KIF1A: variants seen among roughly 807,000 people sequenced by gnomAD.
KIF1A encodes kinesin family member 1A, also known as kinesin-like protein KIF1A.
Under a neutral mutation model 227.3 loss-of-function variants are expected in KIF1A, and 46 were observed. That is an observed-to-expected ratio of 0.20 (90% CI 0.16 to 0.26). The LOEUF is 0.26. Among genes scored for constraint, KIF1A ranks in the 10% least tolerant of loss-of-function variants. KIF1A has a pLI of 1.00. For synonymous variants in KIF1A, 1,022 were observed against 1,012.8 expected (o/e 1.01, Z -0.17); for missense variants, 1,683 against 2,485.9 (o/e 0.68, Z 6.87).
At chr2:240,734,641 G>A in intron 38 of KIF1A, 1 of 1,089,572 alleles carries the variant, frequency 9.2e-7, no homozygotes. Flanking sequence ...GGGGCATGGG[G>A]GGCGGTCAGG....
At chr2:240,777,353 G>T (rs2052891742) in intron 10 of KIF1A, among the ~76,000 whole-genome samples, 1 of 152,164 alleles carries the variant, frequency 6.6e-6, no homozygotes, top group Non-Finnish European at 1.5e-5. Flanking sequence ...CTCTAGTTTG[G>T]TTTTTGATTA....
chr2:240,749,463 C>G (rs1428173764), intron 28 of KIF1A, among the ~76,000 whole-genome samples: 1 of 152,172 alleles, frequency 6.6e-6, no homozygotes, highest in Non-Finnish European at 1.5e-5. Flanking sequence ...GTCTGTGTGT[C>G]TGTCTGTCTG....
In KIF1A at chr2:240,775,824, G is replaced by C; in HGVS notation, c.958+27C>G. 1 of 1,515,576 alleles carries C rather than the reference G, an allele frequency of 6.6e-7. No individual in the cohort carries two copies. Among genetic ancestry groups the C allele is most frequent in the Non-Finnish European group, 9.2e-7 (1 of 1,090,122 alleles). 93.9% of individuals were successfully genotyped at this position (1,515,576 alleles called of 1,614,324 possible). ...AGCCCAGGGTGGGATCAGAGCCCTG[G>C]GGACAGGCAAACCCACAAGTTCTCA... On this transcript the variant is annotated intron_variant, in intron 11 of 48. Transcript: ENST00000498729. The surrounding 1 kb of genome is among the most constrained non-coding windows in gnomAD (Gnocchi z 5.5).
chr2:240,737,945 T>C (rs141664826), intron 37 of KIF1A, among the ~76,000 whole-genome samples: 2,481 of 152,356 alleles, frequency 0.016, 20 homozygotes, highest in South Asian at 0.024. Flanking sequence ...GGGTGCACAC[T>C]GGGCCTGCCC....
rs12477951 is a variant in KIF1A at position 240,778,180 on chromosome 2, A to G, written c.883-2254T>C. Among the ~76,000 whole-genome samples the G allele has an allele frequency of 0.67, 101,048 of 151,836 alleles. 35,557 individuals carry two copies. Among genetic ancestry groups the G allele is most frequent in the African/African-American group, 0.91 (37,702 of 41,462 alleles). On this transcript the variant is annotated intron_variant, in intron 10 of 48. Transcript: ENST00000498729. The surrounding 1 kb of genome is among the most constrained non-coding windows in gnomAD (Gnocchi z 7.2). ...AGTCACTCGAATGCGGACCCCACCC[A>G]CGGGATGGCTGCCGGTCACACCATT...
chr2:240,751,306 C>A (rs887196876), intron 27 of KIF1A, among the ~76,000 whole-genome samples: 3 of 152,188 alleles, frequency 2.0e-5, no homozygotes, highest in South Asian at 2.1e-4. Context: ...CACAGCCAGG[C>A]GGAAGGATAC....
chr2:240,751,327 G>C (rs939060640), intron 27 of KIF1A, among the ~76,000 whole-genome samples: 1 of 152,210 alleles, frequency 6.6e-6, no homozygotes, highest in Non-Finnish European at 1.5e-5. Context: ...CCTGCTTCCT[G>C]CTCCAGGCAG....
intron 10 of KIF1A, among the ~76,000 whole-genome samples, chr2:240,776,213 C>T (rs1045395332): frequency 6.6e-6 from 1 of 152,210 alleles, no homozygotes; most frequent in Non-Finnish European, 1.5e-5. Context: ...AGCTGGACAC[C>T]GGCCAGGAGT....
intron 1 of KIF1A, among the ~76,000 whole-genome samples, chr2:240,798,436 C>T (rs2056638319): frequency 6.6e-6 from 1 of 152,242 alleles, no homozygotes. Context: ...TGGAGAGGAA[C>T]ATTCCTGAGC....
chr2:240,751,526 A>G (rs1429738032), intron 27 of KIF1A, among the ~76,000 whole-genome samples: 1 of 152,144 alleles, frequency 6.6e-6, no homozygotes, highest in East Asian at 1.9e-4. Flanking sequence ...TGCAGCAGCA[A>G]GTCAGAAACC....
chr2:240,719,641 T>G, intron 46 of KIF1A, 133 bp downstream of exon 46: 1 of 1,061,520 alleles, frequency 9.4e-7, no homozygotes, highest in South Asian at 1.7e-5. Context: ...ACCTCCAGTA[T>G]GGGCATCAGG....
chr2:240,727,027 A>G (rs2046092353), intron 38 of KIF1A, 87 bp from the exon 39 acceptor site: 2 of 780,204 alleles, frequency 2.6e-6, no homozygotes, highest in Non-Finnish European at 4.2e-6. Context: ...ACAGAGCGAC[A>G]GACAAGGGGC....
intron 1 of KIF1A, among the ~76,000 whole-genome samples, chr2:240,802,836 G>A (rs139135105): frequency 2.2e-3 from 336 of 152,186 alleles, no homozygotes; most frequent in Non-Finnish European, 2.9e-3. Flanking sequence ...CACTATGTTA[G>A]CCAGGCTGGT....
Position 240,790,083 on chromosome 2 carries a change from A to G in KIF1A, c.107-771T>C, listed in dbSNP as rs573914685. Among the ~76,000 whole-genome samples, 31 of 152,188 alleles carry G rather than the reference A, an allele frequency of 2.0e-4. No homozygotes were observed. In the South Asian group the frequency reaches 6.4e-3, roughly 32 times the overall value. ...AGTATCTCAGGGACCCAGCACACCC[A>G]CTGCCACCTTCCATCCTTGCCCCCA... is the stretch of plus-strand genomic sequence containing the variant. On this transcript the variant is annotated intron_variant, in intron 2 of 48. Coordinates refer to ENST00000498729, the MANE Select transcript of KIF1A (RefSeq NM_001244008.2). This position sits in a 1 kb window ranked among gnomAD's most constrained non-coding sequence, Gnocchi z 5.0.
At chr2:240,738,712 G>A (rs1174947376) in intron 37 of KIF1A, among the ~76,000 whole-genome samples, 4 of 152,218 alleles carry the variant, frequency 2.6e-5, no homozygotes, top group Non-Finnish European at 5.9e-5. Flanking sequence ...CACATAAACA[G>A]ACACTCCTGT....
chr2:240,779,839 A>G (rs2126010974), intron 10 of KIF1A, among the ~76,000 whole-genome samples: 1 of 152,228 alleles, frequency 6.6e-6, no homozygotes, highest in South Asian at 2.1e-4. Context: ...AGCCGCATGC[A>G]CTGCCTCCCA....
intron 46 of KIF1A, among the ~76,000 whole-genome samples, chr2:240,719,516 C>G (rs997613982): frequency 6.6e-6 from 1 of 152,248 alleles, no homozygotes; most frequent in Non-Finnish European, 1.5e-5. Flanking sequence ...TCTGACCCCA[C>G]CCACTCCCCT....
chr2:240,723,289 G>T, intron 42 of KIF1A, 124 bp downstream of exon 42: 1 of 914,702 alleles, frequency 1.1e-6, no homozygotes, highest in Non-Finnish European at 1.6e-6. Flanking sequence ...AGGTGGCTGT[G>T]ACTCCCAAGC....
chr2:240,734,037 C>A (rs1043014484), intron 38 of KIF1A, among the ~76,000 whole-genome samples: 1 of 152,348 alleles, frequency 6.6e-6, no homozygotes, highest in African/African-American at 2.4e-5. Flanking sequence ...GCTGGACAAC[C>A]TGAGTCTGGG....
Sources: gnomAD v4.1 joint callset for allele counts (sites outside exome capture counted in the v4.1 genomes callset) on GRCh38, gnomAD v4.1.1 for gene constraint, Gnocchi (gnomAD v3.1) non-coding constraint, MANE v1.5 for transcripts, NCBI Gene and HGNC (gene_info 2026-07-23, HGNC 2026-07-21) for gene names.